Variants in MTMR7 observed in about 807,000 individuals in gnomAD.
The protein encoded by MTMR7 is phosphatidylinositol-3-phosphate phosphatase MTMR7.
Under a neutral mutation model 81.2 loss-of-function variants are expected in MTMR7, and 76 were observed. That is an observed-to-expected ratio of 0.94 (90% CI 0.78 to 1.13). The LOEUF (loss-of-function observed/expected upper bound fraction) is 1.13, where lower values mean the gene tolerates loss of function less well. Ranked by LOEUF, MTMR7 falls within the 50% of genes most tolerant of loss-of-function variation. MTMR7 has a pLI of 0.00. For missense variants in MTMR7, 1,044 were observed against 820.0 expected, an observed-to-expected ratio of 1.27 and a Z score of -3.34; for synonymous variants, 372 against 289.8, an observed-to-expected ratio of 1.28 and a Z score of -2.88.
At chr8:17,379,317 G>A (rs140719577) in intron 1 of MTMR7, among the ~76,000 whole-genome samples, 84 of 152,204 alleles carry the variant, frequency 5.5e-4, no homozygotes, top group Admixed American at 1.3e-3. Context: ...GGGTTTGAGC[G>A]GGCAGAAGCA....
chr8:17,318,251 G>C (rs894293603), intron 7 of MTMR7, among the ~76,000 whole-genome samples: 2 of 151,890 alleles, frequency 1.3e-5, no homozygotes, highest in Non-Finnish European at 2.9e-5. Context: ...TATCATGCTC[G>C]GGCTGGGAAT....
intron 1 of MTMR7, among the ~76,000 whole-genome samples, chr8:17,410,845 T>C (rs781067131): frequency 1.3e-5 from 2 of 152,212 alleles, no homozygotes. Context: ...ACATTATACA[T>C]GCATACAATT....
chr8:17,302,338 C>T (rs1395152873), intron 12 of MTMR7, 58 bp from the exon 13 acceptor site: 2 of 1,555,310 alleles, frequency 1.3e-6, no homozygotes, highest in Admixed American at 4.0e-5. Flanking sequence ...AAATTCACAT[C>T]CTCAAGTCTT....
intron 5 of MTMR7, chr8:17,345,951 C>A (rs936977011): frequency 1.3e-5 from 2 of 152,150 alleles, no homozygotes; most frequent in African/African-American, 4.8e-5. Context: ...ACTCTTTAAG[C>A]CTAAAATGTC....
rs758050973 is a variant in MTMR7, at chr8:17,304,473, G to A, written c.1399C>T (p.Arg467Trp). Residue 467 changes from arginine to tryptophan, a missense_variant, in exon 12 of 14, where the codon CGG becomes TGG. By Grantham distance (101) the Arg-to-Trp change is moderately radical. Coordinates refer to ENST00000180173, the MANE Select transcript of MTMR7 (RefSeq NM_004686.5). ...AACAGAGGATTCAGGTAGTCGGCCC[G>A]ATTCTTCCACAGGTGAGCCCATAAT... ...YSLWAHLWKN[R>W]ADYLNPLFRA... The A allele has an allele frequency of 1.8e-5, 29 of 1,613,854 alleles. No individual in the cohort carries two copies. The highest frequency in any genetic ancestry group is 3.3e-5 in the Admixed American group (2 of 59,992).
chr8:17,364,957 T>C (rs1193557664), intron 3 of MTMR7, among the ~76,000 whole-genome samples: 3 of 152,264 alleles, frequency 2.0e-5, no homozygotes, highest in South Asian at 4.1e-4. Flanking sequence ...AATCATACGA[T>C]AATTCTATTT....
intron 1 of MTMR7, among the ~76,000 whole-genome samples, chr8:17,389,057 G>A (rs1472288282): frequency 6.6e-6 from 1 of 152,088 alleles, no homozygotes; most frequent in Non-Finnish European, 1.5e-5. Context: ...CTGCATGATT[G>A]CCTGCCACAG....
intron 9 of MTMR7, 45 bp from the exon 10 acceptor site, chr8:17,309,371 A>G: frequency 7.8e-7 from 1 of 1,280,992 alleles, no homozygotes; most frequent in Non-Finnish European, 1.1e-6. Flanking sequence ...AGCAAACGAA[A>G]AATAAGAGAC....
intron 7 of MTMR7, among the ~76,000 whole-genome samples, chr8:17,317,617 G>C (rs763925849): frequency 3.3e-5 from 5 of 152,142 alleles, no homozygotes; most frequent in African/African-American, 9.7e-5. Flanking sequence ...GTGGAAAGAG[G>C]CTTCACTAGG....
chr8:17,391,315 T>C (rs115761142), intron 1 of MTMR7, among the ~76,000 whole-genome samples: 35 of 152,260 alleles, frequency 2.3e-4, no homozygotes, highest in African/African-American at 8.2e-4. Context: ...GGAAAAAATC[T>C]TTTAAAAATG....
intron 4 of MTMR7, among the ~76,000 whole-genome samples, chr8:17,359,379 C>T (rs991882665): frequency 6.6e-6 from 1 of 151,932 alleles, no homozygotes; most frequent in Admixed American, 6.6e-5. Flanking sequence ...AGGAGGACTG[C>T]TTGAGCCCAG....
chr8:17,315,616 T>G (rs919471133), intron 7 of MTMR7, among the ~76,000 whole-genome samples: 1 of 152,130 alleles, frequency 6.6e-6, no homozygotes, highest in Non-Finnish European at 1.5e-5. Context: ...GCTGTGAATC[T>G]AAAACTGCTC....
At chr8:17,326,271 G>A (rs1818672939) in intron 7 of MTMR7, 1 of 152,180 alleles carries the variant, frequency 6.6e-6, no homozygotes, top group Non-Finnish European at 1.5e-5. Flanking sequence ...CTCAGGCTCT[G>A]TGCCTCAATT....
Position 17,300,106 on chromosome 8 carries a change from T to C in MTMR7, c.1739A>G (p.Gln580Arg). 1 of 1,614,180 alleles carries C rather than the reference T, an allele frequency of 6.2e-7. No individual in the cohort carries two copies. The highest frequency in any genetic ancestry group is 8.5e-7 in the Non-Finnish European group (1 of 1,180,022). The change falls in exon 14 of 14, where the codon CAG becomes CGG. Residue 580 changes from glutamine to arginine, a missense_variant. Transcript: ENST00000180173. ...TGATTTCATATTCCCACTGTAATCC[T>C]GGGGAGTGTTGGCTATGCTGTTGTC... Reference protein sequence around the residue: ...TSDNSIANTPQDYSGNMKSFP... With the variant: ...TSDNSIANTPRDYSGNMKSFP...
chr8:17,349,915 C>T (rs933093298), intron 4 of MTMR7, among the ~76,000 whole-genome samples: 10 of 152,144 alleles, frequency 6.6e-5, no homozygotes, highest in Non-Finnish European at 1.2e-4. Flanking sequence ...CCAAACTACA[C>T]GGTGCACTGT....
At chr8:17,356,354 A>G (rs879626527) in intron 4 of MTMR7, among the ~76,000 whole-genome samples, 6 of 152,190 alleles carry the variant, frequency 3.9e-5, no homozygotes, top group Non-Finnish European at 8.8e-5. Flanking sequence ...GAAACTAATT[A>G]AAGATATTTG....
intron 4 of MTMR7, among the ~76,000 whole-genome samples, chr8:17,356,093 T>A (rs1819881575): frequency 6.6e-6 from 1 of 152,196 alleles, no homozygotes; most frequent in South Asian, 2.1e-4. Context: ...CCACTCTAGG[T>A]TATCACTTTT....
At chr8:17,373,301 A>T in intron 1 of MTMR7, 61 bp from the exon 2 acceptor site, 1 of 1,552,424 alleles carries the variant, frequency 6.4e-7, no homozygotes. Flanking sequence ...TCACGAAATA[A>T]ATGATAACAG....
At chr8:17,371,274 T>G in intron 2 of MTMR7, 75 bp from the exon 3 acceptor site, 1 of 1,492,482 alleles carries the variant, frequency 6.7e-7, no homozygotes. Flanking sequence ...CATTTCTTTG[T>G]GGCTCAAAGA....
Sources: gnomAD v4.1 joint callset for allele counts (sites outside exome capture counted in the v4.1 genomes callset) on GRCh38, gnomAD v4.1.1 for gene constraint, MANE v1.5 for transcripts, NCBI Gene and HGNC (gene_info 2026-07-23, HGNC 2026-07-21) for gene names.